The following ADAMTS16 variants were observed in gnomAD, a reference collection of about 807,000 sequenced individuals.
ADAMTS16 encodes ADAM metallopeptidase with thrombospondin type 1 motif 16, also known as A disintegrin and metalloproteinase with thrombospondin motifs 16.
Under a neutral mutation model 145.8 loss-of-function variants are expected in ADAMTS16, and 94 were observed. That is an observed-to-expected ratio of 0.64 (90% CI 0.55 to 0.77). The LOEUF (loss-of-function observed/expected upper bound fraction) is 0.77, where lower values mean the gene tolerates loss of function less well. ADAMTS16 is among the 30% of genes least tolerant of loss of function. ADAMTS16 has a pLI of 0.00. For synonymous variants in ADAMTS16, 659 were observed against 604.3 expected, an observed-to-expected ratio of 1.09 and a Z score of -1.33; for missense variants, 1,585 against 1,591.5, an observed-to-expected ratio of 1.00 and a Z score of 0.07.
At chr5:5,164,237 G>T (rs541683114) in intron 3 of ADAMTS16, among the ~76,000 whole-genome samples, 1 of 152,156 alleles carries the variant, frequency 6.6e-6, no homozygotes, top group Non-Finnish European at 1.5e-5. Context: ...CTTCCATTTC[G>T]GGCTGCCCTG....
At chr5:5,272,360 A>ACT (rs1553996633) in intron 18 of ADAMTS16, among the ~76,000 whole-genome samples, 1 of 122,508 alleles carries the variant, frequency 8.2e-6, no homozygotes, top group African/African-American at 3.0e-5. Flanking sequence ...ATTCCAAAGG[A>ACT]TTTTTTTTTT....
chr5:5,306,672 C>A lies in ADAMTS16; in HGVS notation c.3355C>A (p.Pro1119Thr), dbSNP rs539363592. Residue 1119 changes from proline to threonine, a missense_variant, in exon 21 of 23, where the codon CCA (proline) becomes ACA (threonine). Pro to Thr is a conservative substitution (Grantham distance 38). This residue lies in a region of ADAMTS16 where 834 missense variants were observed against 811.7 expected (regional missense o/e 1.03). Transcript: ENST00000274181. The part of the protein sequence containing the change: ...CAPLPCPRHP[P>T]FAAAGPSRGS... ...CCCGCTTCCATGCCCCAGGCACCCCCCATTTGCTGCTGCGGGACCCTCGAG... is the reference window on the plus strand; with the variant it reads ...CCCGCTTCCATGCCCCAGGCACCCCACATTTGCTGCTGCGGGACCCTCGAG... 1 of 1,614,044 alleles carries A rather than the reference C, an allele frequency of 6.2e-7. No homozygotes were observed. The highest frequency in any genetic ancestry group is 1.7e-5 in the Admixed American group (1 of 60,024).
At chr5:5,305,547 C>G (rs1257915297) in intron 20 of ADAMTS16, among the ~76,000 whole-genome samples, 1 of 127,390 alleles carries the variant, frequency 7.8e-6, no homozygotes, top group Non-Finnish European at 1.8e-5. Context: ...ACCATACACA[C>G]ACACACACAC....
At chr5:5,202,914 G>A (rs2126594981) in intron 9 of ADAMTS16, among the ~76,000 whole-genome samples, 1 of 152,222 alleles carries the variant, frequency 6.6e-6, no homozygotes, top group South Asian at 2.1e-4. Context: ...ATTATTTTGA[G>A]GACGTTGAAA....
Position 5,200,165 on chromosome 5 carries a change from G to C in ADAMTS16, c.1347G>C (p.Met449Ile), listed in dbSNP as rs747900058. Reference sequence around the variant, plus strand: ...TGATTCATGATGGAGAAGGGAACATGTGCAAAAAGTCCGAGGGCAACATCA... The same window carrying C: ...TGATTCATGATGGAGAAGGGAACATCTGCAAAAAGTCCGAGGGCAACATCA... Reference protein sequence around the residue: ...FGMIHDGEGNMCKKSEGNIMS... With the variant: ...FGMIHDGEGNICKKSEGNIMS... Residue 449 changes from methionine (M) to isoleucine (I), a missense_variant, in exon 9 of 23, where the codon ATG becomes ATC. Around this residue, in one of 3 missense-constraint regions of ADAMTS16, gnomAD observed 298 missense variants for 367.6 expected, o/e 0.81. Coordinates refer to ENST00000274181, the MANE Select transcript of ADAMTS16 (RefSeq NM_139056.4). 6.2e-7 allele frequency: 1 copy of C among 1,613,472 alleles called. No homozygotes were observed. Among genetic ancestry groups the C allele is most frequent in the East Asian group, 2.2e-5 (1 of 44,872 alleles).
intron 3 of ADAMTS16, among the ~76,000 whole-genome samples, chr5:5,171,532 T>C (rs1735042051): frequency 6.6e-6 from 1 of 152,238 alleles, no homozygotes; most frequent in South Asian, 2.1e-4. Context: ...GAAATGATTA[T>C]ATGGTTTTTG....
intron 3 of ADAMTS16, among the ~76,000 whole-genome samples, chr5:5,153,633 A>G (rs1472656402): frequency 6.6e-6 from 1 of 152,220 alleles, no homozygotes; most frequent in Non-Finnish European, 1.5e-5. Context: ...TAGAAACTCC[A>G]TTAGTCAATA....
chr5:5,212,267 G>T (rs56315610), intron 10 of ADAMTS16, among the ~76,000 whole-genome samples: 1 of 147,598 alleles, frequency 6.8e-6, no homozygotes, highest in African/African-American at 2.5e-5. Flanking sequence ...GAGTGCAGTG[G>T]CACGATCTTG....
At chr5:5,230,231 G>A (rs1199465644) in intron 11 of ADAMTS16, among the ~76,000 whole-genome samples, 1 of 152,142 alleles carries the variant, frequency 6.6e-6, no homozygotes, top group Non-Finnish European at 1.5e-5. Context: ...AAAACAGAAC[G>A]TCAAGGGAGA....
chr5:5,242,321 C>A, intron 17 of ADAMTS16, 130 bp downstream of exon 17: 2 of 1,297,910 alleles, frequency 1.5e-6, no homozygotes, highest in Non-Finnish European at 2.1e-6. Flanking sequence ...GTGACATTCC[C>A]AAGGTGGGGA....
intron 17 of ADAMTS16, among the ~76,000 whole-genome samples, chr5:5,250,740 C>CGTGT (rs1021975087): frequency 4.3e-4 from 31 of 71,762 alleles, no homozygotes; most frequent in African/African-American, 1.3e-3. Flanking sequence ...TGTGTGTGCG[C>CGTGT]GCACTCCTGG....
intron 11 of ADAMTS16, 102 bp from the exon 12 acceptor site, chr5:5,232,266 G>C (rs1357040736): frequency 7.2e-7 from 1 of 1,379,448 alleles, no homozygotes; most frequent in Non-Finnish European, 1.0e-6. Context: ...TGTCTGCATA[G>C]TTTACAAAAT....
intron 3 of ADAMTS16, among the ~76,000 whole-genome samples, chr5:5,162,529 G>A (rs1301365540): frequency 1.3e-5 from 2 of 152,166 alleles, no homozygotes; most frequent in African/African-American, 2.4e-5. Flanking sequence ...AGGGAAAAGA[G>A]GAACTTAGAT....
Position 5,153,196 on chromosome 5 carries a change from C to A in ADAMTS16, c.501+6741C>A, listed in dbSNP as rs1734519067. 2.0e-5 allele frequency among the ~76,000 whole-genome samples: 3 copies of A among 152,214 alleles called. No homozygotes were observed. The South Asian group carries it at 6.2e-4, about 31-fold the overall frequency. On this transcript the variant is annotated intron_variant, in intron 3 of 22. Coordinates refer to ENST00000274181, the MANE Select transcript of ADAMTS16 (RefSeq NM_139056.4). ...TCCACTTCAGTGCCATCTTCCTCAGCATCTAATGCTGTTTGAGCTTAGTGA... is the reference window on the plus strand; with the variant it reads ...TCCACTTCAGTGCCATCTTCCTCAGAATCTAATGCTGTTTGAGCTTAGTGA...
In ADAMTS16 at chr5:5,308,756, CT is replaced by C. The variant is rs1740292414; in HGVS notation, c.3411+2029del. Among the ~76,000 whole-genome samples, 11 of 152,094 alleles carry C rather than the reference CT, an allele frequency of 7.2e-5. 1 individual carries two copies. The highest frequency in any genetic ancestry group is 7.2e-4 in the Admixed American group (11 of 15,276). On this transcript the variant is annotated intron_variant, in intron 21 of 22. Coordinates refer to ENST00000274181, the MANE Select transcript of ADAMTS16 (RefSeq NM_139056.4). ...CTGAGGTCAGGAGTTTGAGACCAGCCTGCCCAACATGGTGAAACCCTGTCTC... is the reference window on the plus strand; with the variant it reads ...CTGAGGTCAGGAGTTTGAGACCAGCCGCCCAACATGGTGAAACCCTGTCTC...
chr5:5,194,765 G>A (rs957382307), intron 8 of ADAMTS16, among the ~76,000 whole-genome samples: 9 of 152,126 alleles, frequency 5.9e-5, no homozygotes, highest in Admixed American at 1.3e-4. Context: ...GAGCATCAAC[G>A]GTCTGCTTTT....
chr5:5,294,864 ATGCCCATTAC>A (rs1739469148), intron 18 of ADAMTS16, among the ~76,000 whole-genome samples: 1 of 152,168 alleles, frequency 6.6e-6, no homozygotes, highest in South Asian at 2.1e-4. Context: ...CTGGGTCTGA[ATGCCCATTAC>A]CCACCAGACA....
At position 5,303,268 on chromosome 5, in the gene ADAMTS16, C is replaced by G. The variant is rs994285011; in HGVS notation, c.2790C>G (p.Ser930Arg). 6.4e-7 allele frequency: 1 copy of G among 1,557,872 alleles called. No individual in the cohort carries two copies. Among genetic ancestry groups the G allele is most frequent in the African/African-American group, 1.4e-5 (1 of 73,804 alleles). The stretch of plus-strand genomic sequence containing the variant: ...CCGAGGTCTCTTTGTCCCTGCCCAG[C>G]TGGTCCGTGGGGAACTGGAGTGCCT... ...VPCKVSACPP[S>R]WSVGNWSACS... The change falls in exon 19 of 23, where the codon AGC becomes AGG. Residue 930 changes from serine (S) to arginine (R), a missense_variant and splice_region_variant. Ser to Arg is a moderately radical substitution (Grantham distance 110). Around this residue, in one of 3 missense-constraint regions of ADAMTS16, gnomAD observed 834 missense variants for 811.7 expected, o/e 1.03. Transcript: ENST00000274181.
chr5:5,298,230 CTGG>C (rs1453401725), intron 18 of ADAMTS16, among the ~76,000 whole-genome samples: 1 of 152,212 alleles, frequency 6.6e-6, no homozygotes, highest in African/African-American at 2.4e-5. Context: ...GATATACTGA[CTGG>C]TGGACTTTAG....
Sources: allele counts gnomAD v4.1 joint callset (sites outside exome capture counted in the v4.1 genomes callset), GRCh38; gene constraint gnomAD v4.1.1; regional missense constraint gnomAD v4.1.1; transcripts MANE v1.5; gene names NCBI Gene and HGNC (gene_info 2026-07-23, HGNC 2026-07-21).